Variants in GPHN observed in about 807,000 individuals in gnomAD.
The protein encoded by GPHN is gephyrin.
In GPHN, 17 loss-of-function variants were observed where a neutral mutation model predicts 95.5. That is an observed-to-expected ratio of 0.18 (90% CI 0.12 to 0.27). GPHN has a LOEUF of 0.27. GPHN is among the 10% of genes least tolerant of loss of function. The pLI is 1.00. For missense variants in GPHN, 660 were observed against 978.1 expected (o/e 0.67, Z 4.34); for synonymous variants, 320 against 322.5 (o/e 0.99, Z 0.08).
chr14:67,323,597 G>C, the GPHN span: 1 of 279,382 alleles, frequency 3.6e-6, no homozygotes, highest in East Asian at 7.1e-5. Flanking sequence ...CTAGGCAACA[G>C]AGCAAGTCCC....
intron 10 of GPHN, among the ~76,000 whole-genome samples, chr14:67,051,142 G>A (rs941396942): frequency 3.3e-5 from 5 of 152,040 alleles, no homozygotes; most frequent in African/African-American, 1.2e-4. Flanking sequence ...AGATGACTGA[G>A]CTCCCAGTGG....
At chr14:66,649,921 C>T (rs1355792664) in intron 1 of GPHN, among the ~76,000 whole-genome samples, 3 of 152,090 alleles carry the variant, frequency 2.0e-5, no homozygotes, top group Non-Finnish European at 4.4e-5. Flanking sequence ...TTATTTACCA[C>T]TTTCATCTGC....
At chr14:67,275,256 T>C in the GPHN span, among the ~76,000 whole-genome samples, 9 of 152,120 alleles carry the variant, frequency 5.9e-5, no homozygotes, top group African/African-American at 2.4e-5. Flanking sequence ...GGCTGTGGGT[T>C]TGTCATAAAT....
At chr14:67,562,403 C>T in the GPHN span, 2 of 1,613,734 alleles carry the variant, frequency 1.2e-6, no homozygotes, top group South Asian at 1.1e-5. Context: ...CCTTCAACCT[C>T]ATCTGGGAAG....
At chr14:66,547,082 G>T (rs530859300) in intron 1 of GPHN, among the ~76,000 whole-genome samples, 1 of 152,232 alleles carries the variant, frequency 6.6e-6, no homozygotes, top group South Asian at 2.1e-4. Context: ...GCTGAATCCA[G>T]CTTTTCCCTC....
intron 4 of GPHN, among the ~76,000 whole-genome samples, chr14:66,852,402 C>T (rs528781081): frequency 2.0e-5 from 3 of 152,264 alleles, no homozygotes; most frequent in East Asian, 1.9e-4. Context: ...CGTGCGCGTG[C>T]GCGTGTTCAC....
At chr14:66,574,741 C>T (rs1026921608) in intron 1 of GPHN, among the ~76,000 whole-genome samples, 1 of 152,152 alleles carries the variant, frequency 6.6e-6, no homozygotes, top group Non-Finnish European at 1.5e-5. Flanking sequence ...GGGTAGGCAT[C>T]ATCCTATCGA....
chr14:66,718,733 A>G (rs1464316006), intron 2 of GPHN, among the ~76,000 whole-genome samples: 2 of 152,122 alleles, frequency 1.3e-5, no homozygotes, highest in Admixed American at 6.6e-5. Context: ...TGATTGGTGC[A>G]CTTACAATCC....
the GPHN span, chr14:67,198,233 T>A: frequency 1.2e-6 from 2 of 1,613,980 alleles, no homozygotes; most frequent in Non-Finnish European, 1.7e-6. Flanking sequence ...CACACTCCCA[T>A]GATCCGAGAG....
At chr14:67,317,650 AC>A in the GPHN span, among the ~76,000 whole-genome samples, 4 of 152,210 alleles carry the variant, frequency 2.6e-5, no homozygotes, top group African/African-American at 7.2e-5. Context: ...GAAAACTGAT[AC>A]AAAAATTCAA....
chr14:66,955,166 G>A (rs373138708), intron 8 of GPHN, among the ~76,000 whole-genome samples: 44 of 152,272 alleles, frequency 2.9e-4, no homozygotes, highest in Non-Finnish European at 2.5e-4. Context: ...TTGTAGAAGA[G>A]TTGGTAAATA....
At chr14:67,220,746 C>T in the GPHN span, among the ~76,000 whole-genome samples, 2 of 152,144 alleles carry the variant, frequency 1.3e-5, no homozygotes, top group African/African-American at 4.8e-5. Flanking sequence ...CCTGATGCTT[C>T]TCAGTCTCGC....
the GPHN span, chr14:67,656,563 C>A: frequency 6.2e-7 from 1 of 1,612,078 alleles, no homozygotes; most frequent in Non-Finnish European, 8.5e-7. Context: ...CCTGCAGAAG[C>A]ATTGCCCTTT....
At chr14:66,616,934 C>T (rs778975520) in intron 1 of GPHN, among the ~76,000 whole-genome samples, 3 of 152,154 alleles carry the variant, frequency 2.0e-5, no homozygotes, top group African/African-American at 7.2e-5. Flanking sequence ...TCTTGATCTC[C>T]TGACCTCGTG....
intron 9 of GPHN, among the ~76,000 whole-genome samples, chr14:66,997,703 T>C (rs144392429): frequency 3.0e-3 from 456 of 152,296 alleles, no homozygotes; most frequent in African/African-American, 0.011. Context: ...ATTGAGTCAA[T>C]AGAATTGCAG....
chr14:67,050,641 A>C (rs1330721926), intron 10 of GPHN, among the ~76,000 whole-genome samples: 1 of 152,190 alleles, frequency 6.6e-6, no homozygotes, highest in Non-Finnish European at 1.5e-5. Flanking sequence ...GTAGATAACC[A>C]TACTGCAATT....
In GPHN at chr14:66,635,441, A is replaced by G. The variant is rs28477211; in HGVS notation, c.65-45666A>G. 2.0e-3 allele frequency among the ~76,000 whole-genome samples: 311 copies of G among 152,322 alleles called. 1 individual carries two copies. The highest frequency in any genetic ancestry group is 7.1e-3 in the African/African-American group (297 of 41,578). On this transcript the variant is annotated intron_variant, in intron 1 of 22. Transcript: ENST00000478722. ...TGAAAGATTATTAGCAATTTTCCAAATAGTTTAACTTCATTATTAAGTGTA... is the reference window on the plus strand; with the variant it reads ...TGAAAGATTATTAGCAATTTTCCAAGTAGTTTAACTTCATTATTAAGTGTA...
At chr14:67,333,061 A>G in the GPHN span, 1 of 997,466 alleles carries the variant, frequency 1.0e-6, no homozygotes, top group Non-Finnish European at 1.5e-6. Context: ...GGAAGGCAGC[A>G]GTATAAGCTG....
chr14:67,291,139 T>C, the GPHN span, among the ~76,000 whole-genome samples: 6 of 152,086 alleles, frequency 3.9e-5, no homozygotes, highest in East Asian at 9.7e-4. Context: ...AATGGAAATA[T>C]TGGAAAACGA....
Sources: gnomAD v4.1 joint callset for allele counts (sites outside exome capture counted in the v4.1 genomes callset) on GRCh38, gnomAD v4.1.1 for gene constraint, MANE v1.5 for transcripts, NCBI Gene and HGNC (gene_info 2026-07-23, HGNC 2026-07-21) for gene names.